SLC27A4: variants seen among roughly 807,000 people sequenced by gnomAD.
SLC27A4 encodes the protein solute carrier family 27 member 4, also known as long-chain fatty acid transport protein 4.
Under a neutral mutation model 64.4 loss-of-function variants are expected in SLC27A4, and 33 were observed. The observed-to-expected ratio is 0.51, with a 90% CI of 0.39 to 0.68. The LOEUF (loss-of-function observed/expected upper bound fraction) is 0.68, where lower values mean the gene tolerates loss of function less well. Among genes scored for constraint, SLC27A4 ranks in the 30% least tolerant of loss-of-function variants. The pLI is 0.00. For synonymous variants in SLC27A4, 377 were observed against 370.0 expected (o/e 1.02, Z -0.22); for missense variants, 824 against 883.5 (o/e 0.93, Z 0.85).
At chr9:128,348,087 C>T (rs1588558217) in intron 3 of SLC27A4, among the ~76,000 whole-genome samples, 1 of 152,084 alleles carries the variant, frequency 6.6e-6, no homozygotes, top group Non-Finnish European at 1.5e-5. Context: ...TTCCCGCTCT[C>T]GGAAGGGGAT....
Position 128,350,479 on chromosome 9 carries a change from C to T in SLC27A4, c.786-5C>T. 1 of 1,613,970 alleles carries T rather than the reference C, an allele frequency of 6.2e-7. No homozygotes were observed. Among genetic ancestry groups the T allele is most frequent in the Non-Finnish European group, 8.5e-7 (1 of 1,179,888 alleles). ...CGCTCAGCCCTTGGCCCTGTGCCTTCCCAGGTATTACCGCATGGCTGCCCT... is the reference window on the plus strand; with the variant it reads ...CGCTCAGCCCTTGGCCCTGTGCCTTTCCAGGTATTACCGCATGGCTGCCCT... On this transcript the variant is annotated splice_polypyrimidine_tract_variant and splice_region_variant and intron_variant, in intron 5 of 12. Coordinates refer to ENST00000300456, the MANE Select transcript of SLC27A4 (RefSeq NM_005094.4).
At chr9:128,346,962 G>A (rs143775771) in intron 3 of SLC27A4, among the ~76,000 whole-genome samples, 1 of 152,134 alleles carries the variant, frequency 6.6e-6, no homozygotes, top group African/African-American at 2.4e-5. Context: ...CCGAGATCAC[G>A]TCACTGTGTT....
intron 2 of SLC27A4, 51 bp downstream of exon 2, chr9:128,343,344 T>G: frequency 6.2e-7 from 1 of 1,607,780 alleles, no homozygotes; most frequent in Non-Finnish European, 8.5e-7. Flanking sequence ...ACAGTGAGCT[T>G]CTGGTCCCCC....
In SLC27A4 at chr9:128,345,640, G is replaced by T; in HGVS notation, c.556+91G>T. ...TTCCAGCCCTGCCAAGGCTGTGTGGGTCAGTGGTTAAGGGCACAGAGTGGA... is the reference window on the plus strand; with the variant it reads ...TTCCAGCCCTGCCAAGGCTGTGTGGTTCAGTGGTTAAGGGCACAGAGTGGA... On this transcript the variant is annotated intron_variant, in intron 3 of 12. Coordinates refer to ENST00000300456, the MANE Select transcript of SLC27A4 (RefSeq NM_005094.4). This position sits in a 1 kb window ranked among gnomAD's most constrained non-coding sequence, Gnocchi z 4.1. 10 of 1,434,166 alleles carry T rather than the reference G, an allele frequency of 7.0e-6. No individual in the cohort carries two copies. In the South Asian group the frequency reaches 1.4e-4, roughly 20 times the overall value. 88.8% of individuals were successfully genotyped at this position (1,434,166 alleles called of 1,614,324 possible).
At position 128,355,792 on chromosome 9, in the gene SLC27A4, A is replaced by G; in HGVS notation, c.1770A>G (p.Lys590=). The G allele has an allele frequency of 6.2e-7, 1 of 1,613,146 alleles. No individual in the cohort carries two copies. The highest frequency in any genetic ancestry group is 8.5e-7 in the Non-Finnish European group (1 of 1,180,014). The change falls in exon 12 of 13, where the codon AAA becomes AAG. Residue 590 remains lysine, a synonymous_variant. Coordinates refer to ENST00000300456, the MANE Select transcript of SLC27A4 (RefSeq NM_005094.4). ...TGCGCCTCCTGCCTGAGCTGCACAA[A>G]ACAGGTGTGTCCCTCCCCTGCTCCA... is the stretch of plus-strand genomic sequence containing the variant. ...IFLRLLPELH[K]TGTYKFQKTE...
chr9:128,348,825 C>T, intron 4 of SLC27A4, 122 bp downstream of exon 4: 1 of 984,736 alleles, frequency 1.0e-6, no homozygotes, highest in East Asian at 2.6e-5. Context: ...GTCACGTCAC[C>T]TCCCTTTTTC....
chr9:128,352,575 T>C, intron 6 of SLC27A4, 63 bp from the exon 7 acceptor site: 1 of 1,316,670 alleles, frequency 7.6e-7, no homozygotes, highest in South Asian at 1.2e-5. Flanking sequence ...GCAGTATCAC[T>C]GATTTGGGGC....
chr9:128,343,353 C>G lies in SLC27A4; in HGVS notation c.161+60C>G, dbSNP rs996315352. The G allele has an allele frequency of 6.9e-6, 11 of 1,594,290 alleles. No individual in the cohort carries two copies. In the Admixed American group the frequency reaches 1.8e-4, roughly 27 times the overall value. ...CACACTACAGTGAGCTTCTGGTCCCCCAAATCTCCCCAGGCCAGACCTCAT... is the reference window on the plus strand; with the variant it reads ...CACACTACAGTGAGCTTCTGGTCCCGCAAATCTCCCCAGGCCAGACCTCAT... On this transcript the variant is annotated intron_variant, in intron 2 of 12. Transcript: ENST00000300456.
intron 11 of SLC27A4, 34 bp downstream of exon 11, chr9:128,355,596 AGGCACCACCCAGG>A (rs1453148065): frequency 1.9e-6 from 3 of 1,607,218 alleles, no homozygotes; most frequent in South Asian, 1.1e-5. Context: ...GTGGGTAGGG[AGGCACCACCCAGG>A]GGCACCACCA....
In SLC27A4 at chr9:128,343,153, G is replaced by T. The variant is rs1331404300; in HGVS notation, c.21G>T (p.Leu7=). The change falls in exon 2 of 13, where the codon CTG becomes CTT. Residue 7 remains leucine, a synonymous_variant. Coordinates refer to ENST00000300456, the MANE Select transcript of SLC27A4 (RefSeq NM_005094.4). ...CCACAATGCTGCTTGGAGCCTCTCTGGTGGGGGTGCTGCTGTTCTCCAAGC... is the reference window on the plus strand; with the variant it reads ...CCACAATGCTGCTTGGAGCCTCTCTTGTGGGGGTGCTGCTGTTCTCCAAGC... MLLGAS[L]VGVLLFSKLV... 6.2e-7 allele frequency: 1 copy of T among 1,613,902 alleles called. No homozygotes were observed. The highest frequency in any genetic ancestry group is 2.2e-5 in the East Asian group (1 of 44,890).
chr9:128,353,549 A>C lies in SLC27A4; in HGVS notation c.1324+8A>C. The C allele has an allele frequency of 6.2e-7, 1 of 1,613,630 alleles. No homozygotes were observed. The highest frequency in any genetic ancestry group is 8.5e-7 in the Non-Finnish European group (1 of 1,179,738). ...GCATTCCCTGCCAGCCAGGTCTGCC[A>C]CTTCGGGGTCAGAGAGGGAGGGGTT... On this transcript the variant is annotated splice_region_variant and intron_variant, in intron 9 of 12. Coordinates refer to ENST00000300456, the MANE Select transcript of SLC27A4 (RefSeq NM_005094.4). The surrounding 1 kb of genome is among the most constrained non-coding windows in gnomAD (Gnocchi z 4.9).
Position 128,353,266 on chromosome 9 carries a change from T to C in SLC27A4, c.1197+32T>C. 6.2e-7 allele frequency: 1 copy of C among 1,611,488 alleles called. No individual in the cohort carries two copies. Among genetic ancestry groups the C allele is most frequent in the Non-Finnish European group, 8.5e-7 (1 of 1,178,338 alleles). On this transcript the variant is annotated intron_variant, in intron 8 of 12. Coordinates refer to ENST00000300456, the MANE Select transcript of SLC27A4 (RefSeq NM_005094.4). The surrounding 1 kb of genome is among the most constrained non-coding windows in gnomAD (Gnocchi z 4.9). The stretch of plus-strand genomic sequence containing the variant: ...CCAGGTTGGGGATGGGCGAGGCTGC[T>C]GCAGGGATGGCCCACAGAAGGCACT...
At position 128,353,722 on chromosome 9, in the gene SLC27A4, A is replaced by G. The variant is rs184908785; in HGVS notation, c.1324+181A>G. The stretch of plus-strand genomic sequence containing the variant: ...TTCATTCATTCGCCATTCTATCTGT[A>G]CATCAGTCCATTCATTCATTCTTTT... On this transcript the variant is annotated intron_variant, in intron 9 of 12. Coordinates refer to ENST00000300456, the MANE Select transcript of SLC27A4 (RefSeq NM_005094.4). The surrounding 1 kb of genome is among the most constrained non-coding windows in gnomAD (Gnocchi z 4.9). Among the ~76,000 whole-genome samples, 650 of 150,626 alleles carry G rather than the reference A, an allele frequency of 4.3e-3. 3 individuals carry two copies. The highest frequency in any genetic ancestry group is 0.014 in the African/African-American group (590 of 40,788).
chr9:128,343,432 TC>T, intron 2 of SLC27A4, 139 bp downstream of exon 2: 1 of 940,684 alleles, frequency 1.1e-6, no homozygotes, highest in Non-Finnish European at 1.7e-6. Context: ...CAGCCTCTGC[TC>T]CACACCCGTA....
chr9:128,354,048 A>G (rs1315760891), intron 9 of SLC27A4, among the ~76,000 whole-genome samples: 1 of 151,644 alleles, frequency 6.6e-6, no homozygotes, highest in Non-Finnish European at 1.5e-5. Context: ...CGGCCAAGCA[A>G]TTCTCTTTTC....
intron 3 of SLC27A4, 99 bp from the exon 4 acceptor site, chr9:128,348,446 C>T: frequency 1.4e-6 from 2 of 1,464,658 alleles, no homozygotes; most frequent in Middle Eastern, 2.1e-4. Flanking sequence ...TCCTGCCCAG[C>T]CAGTATCCTC....
Position 128,355,463 on chromosome 9 carries a change from C to T in SLC27A4, c.1528C>T (p.Arg510Cys), listed in dbSNP as rs763007838. The T allele has an allele frequency of 3.7e-6, 6 of 1,613,632 alleles. No homozygotes were observed. Among genetic ancestry groups the T allele is most frequent in the South Asian group, 3.3e-5 (3 of 91,088 alleles). ...CCGAGACCGCACTGGGGACACGTTC[C>T]GCTGGAAAGGTGAGAACGTGTCCAC... ...YFRDRTGDTFRWKGENVSTTE... is the reference protein window; with the variant it reads ...YFRDRTGDTFCWKGENVSTTE... Residue 510 changes from arginine to cysteine, a missense_variant, in exon 11 of 13, where the codon CGC (arginine) becomes TGC (cysteine). Physicochemically the swap from Arg to Cys is radical, Grantham distance 180 (BLOSUM62 -3). Coordinates refer to ENST00000300456, the MANE Select transcript of SLC27A4 (RefSeq NM_005094.4).
Position 128,360,709 on chromosome 9 carries a change from GC to G in SLC27A4, c.*219del. On this transcript the variant is annotated 3_prime_UTR_variant, in exon 13 of 13. Transcript: ENST00000300456. ...CTCATGTCCAAGTTCCGTCTTCTGG[GC>G]TGGGCAGGCCCTCTGGTTCCCAGGC... 1.7e-6 allele frequency: 1 copy of G among 576,436 alleles called. No individual in the cohort carries two copies. The highest frequency in any genetic ancestry group is 3.1e-6 in the Non-Finnish European group (1 of 323,000). 35.7% of individuals were successfully genotyped at this position (576,436 alleles called of 1,614,324 possible). A position where few individuals can be genotyped will look rare whatever the true frequency, so the allele number is the denominator to read the frequency against.
At position 128,358,847 on chromosome 9, in the gene SLC27A4, C is replaced by T. The variant is rs185078882; in HGVS notation, c.1775-1487C>T. Among the ~76,000 whole-genome samples the T allele has an allele frequency of 3.3e-5, 5 of 152,338 alleles. No individual in the cohort carries two copies. The East Asian group carries it at 7.7e-4, about 23-fold the overall frequency. ...GGCTCATCTCTGCTCCACGTGGCCT[C>T]TCACCCTTTGGAAGGCTAGACTAGC... On this transcript the variant is annotated intron_variant, in intron 12 of 12. Coordinates refer to ENST00000300456, the MANE Select transcript of SLC27A4 (RefSeq NM_005094.4).
Sources: gnomAD v4.1 joint callset for allele counts (sites outside exome capture counted in the v4.1 genomes callset) on GRCh38, gnomAD v4.1.1 for gene constraint, Gnocchi (gnomAD v3.1) non-coding constraint, MANE v1.5 for transcripts, NCBI Gene and HGNC (gene_info 2026-07-23, HGNC 2026-07-21) for gene names.